Variants in STX7 observed in about 807,000 individuals in gnomAD.
STX7 encodes the protein syntaxin 7.
STX7 carries 34 observed loss-of-function variants against 39.6 expected under a neutral mutation model. That is an observed-to-expected ratio of 0.86 (90% CI 0.65 to 1.14). The LOEUF is 1.14. STX7 is among the 50% of genes most tolerant of loss of function. The pLI is 0.00. For synonymous variants in STX7, 119 were observed against 99.1 expected (o/e 1.20, Z -1.19); for missense variants, 284 against 310.4 (o/e 0.92, Z 0.64).
chr6:132,494,342 T>A (rs1775370628), intron 2 of STX7, among the ~76,000 whole-genome samples: 1 of 152,124 alleles, frequency 6.6e-6, no homozygotes, highest in African/African-American at 2.4e-5. Context: ...CATGAGCCCT[T>A]TATCTCTGGG....
At chr6:132,472,526 T>C (rs1774754149) in intron 3 of STX7, 151 bp from the exon 4 acceptor site, 2 of 550,062 alleles carry the variant, frequency 3.6e-6, no homozygotes, top group Admixed American at 3.5e-5. Context: ...AAAAATTTCA[T>C]ATCCTATTCT....
chr6:132,489,856 T>A (rs1775233448), intron 2 of STX7, among the ~76,000 whole-genome samples: 1 of 152,180 alleles, frequency 6.6e-6, no homozygotes, highest in South Asian at 2.1e-4. Context: ...GTCAAATCAG[T>A]GGAAATTTGG....
intron 1 of STX7, among the ~76,000 whole-genome samples, chr6:132,511,739 G>T (rs539068346): frequency 7.0e-4 from 106 of 152,200 alleles, no homozygotes; most frequent in Admixed American, 6.8e-3. Flanking sequence ...ACCGAGGATT[G>T]TTTTTTTCAT....
intron 2 of STX7, among the ~76,000 whole-genome samples, chr6:132,490,686 A>T (rs1260283908): frequency 2.0e-5 from 3 of 152,098 alleles, no homozygotes; most frequent in Non-Finnish European, 4.4e-5. Flanking sequence ...AAATCATCAG[A>T]AGAGCTGATC....
At chr6:132,512,614 G>A (rs559006659) in intron 1 of STX7, among the ~76,000 whole-genome samples, 1 of 152,360 alleles carries the variant, frequency 6.6e-6, no homozygotes, top group South Asian at 2.1e-4. Context: ...TTGAAAAGAG[G>A]AAGAGGTCAT....
chr6:132,461,654 G>T (rs770074554), intron 9 of STX7: 4 of 606,182 alleles, frequency 6.6e-6, no homozygotes, highest in Non-Finnish European at 5.6e-6. Flanking sequence ...ATTTTGGAAT[G>T]AGTTTCCAAA....
Position 132,457,845 on chromosome 6 carries a change from T to A in STX7, c.*2913A>T, listed in dbSNP as rs1774281577. ...CATGTGAAAGAAATAAATTCAATTTTGACTTTCAAAAAAAATAAATGCTGC... is the reference window on the plus strand; with the variant it reads ...CATGTGAAAGAAATAAATTCAATTTAGACTTTCAAAAAAAATAAATGCTGC... On this transcript the variant is annotated 3_prime_UTR_variant, in exon 10 of 10. Transcript: ENST00000367941. 1 of 152,210 alleles carries A rather than the reference T, an allele frequency of 6.6e-6. No homozygotes were observed. The highest frequency in any genetic ancestry group is 1.5e-5 in the Non-Finnish European group (1 of 68,034). 9.4% of individuals were successfully genotyped at this position (152,210 alleles called of 1,614,324 possible). A position where few individuals can be genotyped will look rare whatever the true frequency, so the allele number is the denominator to read the frequency against.
At chr6:132,468,822 T>G (rs1235757704) in intron 7 of STX7, among the ~76,000 whole-genome samples, 1 of 152,196 alleles carries the variant, frequency 6.6e-6, no homozygotes, top group East Asian at 1.9e-4. Flanking sequence ...ACAAGCAGTA[T>G]CTACTTACAA....
chr6:132,481,104 A>G (rs1442346703), intron 2 of STX7, among the ~76,000 whole-genome samples: 1 of 152,154 alleles, frequency 6.6e-6, no homozygotes, highest in East Asian at 1.9e-4. Flanking sequence ...TGGAAATGGG[A>G]AAGGAGTTCT....
rs1774342956 is a variant in STX7 at position 132,459,801 on chromosome 6, C to T, written c.*957G>A. The stretch of plus-strand genomic sequence containing the variant: ...GACACAAAATGGCACGCAAGGTAAA[C>T]ACTAAATTTTGTCAGGTGCTCAAAA... On this transcript the variant is annotated 3_prime_UTR_variant, in exon 10 of 10. Coordinates refer to ENST00000367941, the MANE Select transcript of STX7 (RefSeq NM_003569.3). The T allele has an allele frequency of 6.6e-6, 1 of 152,076 alleles. No homozygotes were observed. Among genetic ancestry groups the T allele is most frequent in the African/African-American group, 2.4e-5 (1 of 41,412 alleles). 9.4% of individuals were successfully genotyped at this position (152,076 alleles called of 1,614,324 possible).
intron 2 of STX7, among the ~76,000 whole-genome samples, chr6:132,485,023 C>G (rs933188948): frequency 2.6e-5 from 4 of 152,150 alleles, no homozygotes; most frequent in Non-Finnish European, 4.4e-5. Flanking sequence ...TTAAATGCCA[C>G]TTTATTGAGG....
intron 8 of STX7, 71 bp downstream of exon 8, chr6:132,468,332 T>G (rs1774614973): frequency 1.1e-5 from 13 of 1,210,500 alleles, no homozygotes; most frequent in Admixed American, 1.9e-5. Context: ...TACTCTTCTG[T>G]GAGAAAGTTA....
chr6:132,504,095 A>G (rs1347704935), intron 1 of STX7, among the ~76,000 whole-genome samples: 1 of 152,162 alleles, frequency 6.6e-6, no homozygotes, highest in East Asian at 1.9e-4. Flanking sequence ...AGTTTTTACC[A>G]TTACTTTTAA....
chr6:132,486,801 GA>G (rs1460776114), intron 2 of STX7, among the ~76,000 whole-genome samples: 1 of 151,796 alleles, frequency 6.6e-6, no homozygotes, highest in Non-Finnish European at 1.5e-5. Flanking sequence ...AAGTAGCTGG[GA>G]TTACAGGTGC....
chr6:132,474,225 C>T, intron 3 of STX7, among the ~76,000 whole-genome samples: 1 of 39,338 alleles, frequency 2.5e-5, no homozygotes. Context: ...GAGATCCTGT[C>T]TCAAAAAAAA....
At chr6:132,508,761 C>CTT (rs1430304796) in intron 1 of STX7, among the ~76,000 whole-genome samples, 1 of 152,176 alleles carries the variant, frequency 6.6e-6, no homozygotes, top group Admixed American at 6.5e-5. Flanking sequence ...ATCCTCCAGT[C>CTT]TCAGCCTCCC....
intron 2 of STX7, among the ~76,000 whole-genome samples, chr6:132,477,581 A>C (rs1201312395): frequency 1.3e-4 from 20 of 152,180 alleles, no homozygotes; most frequent in Admixed American, 1.3e-3. Flanking sequence ...GCTCTAAGAA[A>C]TATAAATGTT....
At chr6:132,468,835 G>T (rs974492596) in intron 7 of STX7, among the ~76,000 whole-genome samples, 1 of 152,196 alleles carries the variant, frequency 6.6e-6, no homozygotes, top group East Asian at 1.9e-4. Context: ...ACTTACAAGG[G>T]TATAAAATAT....
chr6:132,482,945 T>G (rs1294573117), intron 2 of STX7, among the ~76,000 whole-genome samples: 1 of 151,520 alleles, frequency 6.6e-6, no homozygotes, highest in Non-Finnish European at 1.5e-5. Flanking sequence ...AGCTAAGAAC[T>G]GTTGCTACAG....
Sources: allele counts gnomAD v4.1 joint callset (sites outside exome capture counted in the v4.1 genomes callset), GRCh38; gene constraint gnomAD v4.1.1; transcripts MANE v1.5; gene names NCBI Gene and HGNC (gene_info 2026-07-23, HGNC 2026-07-21).